SULF1: variants seen among roughly 807,000 people sequenced by gnomAD.
SULF1 encodes the protein sulfatase 1.
A neutral mutation model predicts 110.5 loss-of-function variants in SULF1; 46 were observed. The ratio of observed to expected loss-of-function variants is 0.42; its 90% CI spans 0.33 to 0.53. The LOEUF is 0.53. SULF1 is among the 20% of genes least tolerant of loss of function. The probability of loss-of-function intolerance (pLI) is 0.12; values close to 1 mark genes in which losing one functional copy is unlikely to be tolerated. For missense variants in SULF1, 941 were observed against 1,094.2 expected, an observed-to-expected ratio of 0.86 and a Z score of 1.98; for synonymous variants, 371 against 387.1, an observed-to-expected ratio of 0.96 and a Z score of 0.49.
At chr8:69,560,915 A>G (rs1563531536) in intron 3 of SULF1, among the ~76,000 whole-genome samples, 1 of 152,172 alleles carries the variant, frequency 6.6e-6, no homozygotes, top group Non-Finnish European at 1.5e-5. Context: ...AAAAAATTCA[A>G]TTTTCTTGAC....
In SULF1 at chr8:69,534,461, C is replaced by A. The variant is rs551332538; in HGVS notation, c.-133-29078C>A. Among the ~76,000 whole-genome samples, 28 of 152,170 alleles carry A rather than the reference C, an allele frequency of 1.8e-4. No homozygotes were observed. In the South Asian group the frequency reaches 5.6e-3, roughly 31 times the overall value. On this transcript the variant is annotated intron_variant, in intron 3 of 22. Coordinates refer to ENST00000402687, the MANE Select transcript of SULF1 (RefSeq NM_001128205.2). The stretch of plus-strand genomic sequence containing the variant: ...GAATCTTATAGTGCATTTGAAGAGG[C>A]CAACTCTGAAGAATTAGGCTACATT...
At chr8:69,653,318 T>C (rs1321343843) in intron 22 of SULF1, among the ~76,000 whole-genome samples, 2 of 152,178 alleles carry the variant, frequency 1.3e-5, no homozygotes, top group Non-Finnish European at 2.9e-5. Context: ...AATCCTCCCA[T>C]CTCAGCCTCC....
intron 3 of SULF1, 124 bp from the exon 4 acceptor site, chr8:69,563,415 A>G (rs1417571816): frequency 6.6e-6 from 1 of 152,282 alleles, no homozygotes; most frequent in Non-Finnish European, 1.5e-5. Flanking sequence ...TGGAGCACAG[A>G]AGAAAAAATA....
chr8:69,499,784 C>G (rs986089642), intron 2 of SULF1, among the ~76,000 whole-genome samples: 2 of 152,124 alleles, frequency 1.3e-5, no homozygotes, highest in African/African-American at 4.8e-5. Context: ...CATTCTAGCT[C>G]TGTTTCCTAG....
chr8:69,525,734 T>TGTA (rs1812613812), intron 3 of SULF1, among the ~76,000 whole-genome samples: 2 of 152,192 alleles, frequency 1.3e-5, no homozygotes, highest in African/African-American at 4.8e-5. Context: ...ATGTGCAGGA[T>TGTA]ATTGTCTAGG....
At chr8:69,500,243 T>C (rs926390294) in intron 2 of SULF1, among the ~76,000 whole-genome samples, 2 of 152,248 alleles carry the variant, frequency 1.3e-5, no homozygotes, top group African/African-American at 4.8e-5. Flanking sequence ...TATTTTGTGC[T>C]AGGTCGTCTT....
At chr8:69,630,955 C>T (rs1345837781) in intron 19 of SULF1, among the ~76,000 whole-genome samples, 2 of 151,774 alleles carry the variant, frequency 1.3e-5, no homozygotes, top group South Asian at 2.1e-4. Flanking sequence ...TCTCCTAATG[C>T]TATCCCTCCC....
chr8:69,530,403 AG>A lies in SULF1; in HGVS notation c.-134+28436del, dbSNP rs1813002934. On this transcript the variant is annotated intron_variant, in intron 3 of 22. Transcript: ENST00000402687. ...GCATAATGTACCATTAGGAGGGCTCAGTCTGCTAATTGTAGAGATTCTTTGC... is the reference window on the plus strand; with the variant it reads ...GCATAATGTACCATTAGGAGGGCTCATCTGCTAATTGTAGAGATTCTTTGC... 3.9e-5 allele frequency among the ~76,000 whole-genome samples: 6 copies of A among 152,302 alleles called. No homozygotes were observed. In the South Asian group the frequency reaches 1.2e-3, roughly 32 times the overall value.
intron 13 of SULF1, among the ~76,000 whole-genome samples, chr8:69,616,708 T>A (rs1394810254): frequency 6.7e-6 from 1 of 149,880 alleles, no homozygotes; most frequent in Admixed American, 6.6e-5. Flanking sequence ...GGCCGTTTTT[T>A]TTTTTTTTTT....
chr8:69,611,584 A>G (rs1808660259), intron 13 of SULF1, among the ~76,000 whole-genome samples: 1 of 152,206 alleles, frequency 6.6e-6, no homozygotes, highest in African/African-American at 2.4e-5. Context: ...TGGTCTTTGT[A>G]TATTCCCCAG....
At chr8:69,542,753 G>T (rs1813947915) in intron 3 of SULF1, among the ~76,000 whole-genome samples, 1 of 152,212 alleles carries the variant, frequency 6.6e-6, no homozygotes. Flanking sequence ...GGAAAGAAAT[G>T]AGCAGAATGT....
chr8:69,558,840 A>T (rs997312525), intron 3 of SULF1, among the ~76,000 whole-genome samples: 1 of 152,176 alleles, frequency 6.6e-6, no homozygotes, highest in Non-Finnish European at 1.5e-5. Context: ...ATTAATACTT[A>T]CAAGTGAAAA....
intron 13 of SULF1, among the ~76,000 whole-genome samples, chr8:69,609,413 G>T (rs1808470822): frequency 1.3e-5 from 2 of 152,174 alleles, no homozygotes; most frequent in African/African-American, 4.8e-5. Flanking sequence ...GAAAAATGCT[G>T]ATGCACCCCC....
chr8:69,521,724 A>T (rs192264168), intron 3 of SULF1, among the ~76,000 whole-genome samples: 55 of 152,280 alleles, frequency 3.6e-4, no homozygotes, highest in African/African-American at 1.3e-3. Context: ...TCTCCAGATG[A>T]AAAGGAAGCC....
chr8:69,641,697 T>C (rs1811485565), intron 22 of SULF1, among the ~76,000 whole-genome samples: 1 of 152,052 alleles, frequency 6.6e-6, no homozygotes, highest in Non-Finnish European at 1.5e-5. Context: ...TGAGCTATGA[T>C]AGTGACACTG....
At chr8:69,561,874 T>G (rs1319657532) in intron 3 of SULF1, among the ~76,000 whole-genome samples, 2 of 152,258 alleles carry the variant, frequency 1.3e-5, no homozygotes, top group Non-Finnish European at 2.9e-5. Flanking sequence ...CATGCCTGTA[T>G]CAGGTTTCTC....
intron 1 of SULF1, among the ~76,000 whole-genome samples, chr8:69,480,100 C>G (rs764781891): frequency 6.6e-6 from 1 of 152,122 alleles, no homozygotes; most frequent in African/African-American, 2.4e-5. Context: ...TGCAAACATG[C>G]AGCTTTATCA....
intron 1 of SULF1, among the ~76,000 whole-genome samples, chr8:69,486,458 G>T (rs2150548548): frequency 6.6e-6 from 1 of 152,240 alleles, no homozygotes; most frequent in African/African-American, 2.4e-5. Context: ...TTACATGGAG[G>T]CAGTTTACAT....
chr8:69,532,348 T>A (rs563454672), intron 3 of SULF1, among the ~76,000 whole-genome samples: 85 of 152,274 alleles, frequency 5.6e-4, no homozygotes, highest in African/African-American at 1.9e-3. Flanking sequence ...CGAAAGAATT[T>A]TCAATATTTG....
Sources: gnomAD v4.1 joint callset for allele counts (sites outside exome capture counted in the v4.1 genomes callset) on GRCh38, gnomAD v4.1.1 for gene constraint, MANE v1.5 for transcripts, NCBI Gene and HGNC (gene_info 2026-07-23, HGNC 2026-07-21) for gene names.